SAMM50: variants seen among roughly 807,000 people sequenced by gnomAD.
SAMM50 encodes SAMM50 sorting and assembly machinery component.
SAMM50 carries 47 observed loss-of-function variants against 66.9 expected under a neutral mutation model. That is an observed-to-expected ratio of 0.70 (90% confidence interval 0.56 to 0.90). The LOEUF is 0.90. Ranked by LOEUF, SAMM50 falls within the 40% of genes least tolerant of loss-of-function variation. The pLI, the probability that SAMM50 is intolerant of heterozygous loss-of-function variation, is 0.00. For synonymous variants in SAMM50, 191 were observed against 214.1 expected (o/e 0.89, Z 0.94); for missense variants, 535 against 595.3 (o/e 0.90, Z 1.05).
At chr22:43,968,707 T>G (rs1300380635) in intron 3 of SAMM50, 24 bp from the exon 4 acceptor site, 2 of 1,519,578 alleles carry the variant, frequency 1.3e-6, no homozygotes, top group South Asian at 1.1e-5. Flanking sequence ...ATATATTCCT[T>G]GTTTTTCTTC....
At chr22:43,992,561 C>T (rs2050330867) in intron 14 of SAMM50, among the ~76,000 whole-genome samples, 1 of 152,242 alleles carries the variant, frequency 6.6e-6, no homozygotes, top group South Asian at 2.1e-4. Flanking sequence ...GGGGGCCCAG[C>T]TACCCGGGCT....
chr22:43,990,811 C>T (rs1306601367), intron 14 of SAMM50, among the ~76,000 whole-genome samples: 5 of 152,160 alleles, frequency 3.3e-5, no homozygotes, highest in South Asian at 2.1e-4. Flanking sequence ...ACAGAGGACA[C>T]GATCTTGAGA....
intron 4 of SAMM50, among the ~76,000 whole-genome samples, chr22:43,970,648 G>A (rs971580239): frequency 6.6e-6 from 1 of 152,126 alleles, no homozygotes; most frequent in East Asian, 1.9e-4. Flanking sequence ...CACATGCGAG[G>A]TGTTAGTAAG....
At chr22:43,960,859 G>A (rs1393635761) in intron 1 of SAMM50, among the ~76,000 whole-genome samples, 2 of 152,258 alleles carry the variant, frequency 1.3e-5, no homozygotes, top group Admixed American at 6.5e-5. Flanking sequence ...TGACATTAAG[G>A]TGGATCTTGA....
intron 3 of SAMM50, among the ~76,000 whole-genome samples, chr22:43,965,910 C>T (rs1281011537): frequency 6.6e-6 from 1 of 152,174 alleles, no homozygotes; most frequent in Non-Finnish European, 1.5e-5. Context: ...GTGAACACAG[C>T]TCACTGCAGC....
At chr22:43,967,364 C>T (rs1208994044) in intron 3 of SAMM50, among the ~76,000 whole-genome samples, 1 of 152,242 alleles carries the variant, frequency 6.6e-6, no homozygotes, top group East Asian at 1.9e-4. Flanking sequence ...CTCTGCCTGT[C>T]TTCCCATCTC....
At chr22:43,976,211 T>C in intron 8 of SAMM50, 28 bp downstream of exon 8, 1 of 1,589,958 alleles carries the variant, frequency 6.3e-7, no homozygotes, top group Non-Finnish European at 8.6e-7. Context: ...TTGGAGTAAA[T>C]AATTTTGTTG....
At chr22:43,959,676 A>G (rs1012257823) in intron 1 of SAMM50, among the ~76,000 whole-genome samples, 18 of 152,100 alleles carry the variant, frequency 1.2e-4, no homozygotes, top group African/African-American at 4.3e-4. Context: ...CCTAGCCCAA[A>G]TATATATTTT....
intron 5 of SAMM50, 140 bp from the exon 6 acceptor site, chr22:43,972,731 A>G: frequency 1.2e-6 from 1 of 816,740 alleles, no homozygotes; most frequent in Non-Finnish European, 2.0e-6. Flanking sequence ...GAAAGTGATT[A>G]CAAATGAAAG....
At chr22:43,956,522 G>T (rs944125499) in intron 1 of SAMM50, among the ~76,000 whole-genome samples, 2 of 152,188 alleles carry the variant, frequency 1.3e-5, no homozygotes, top group Non-Finnish European at 2.9e-5. Context: ...ACTGTAATAG[G>T]TCTGTTGCTC....
chr22:43,970,494 C>G (rs1406912927), intron 4 of SAMM50, among the ~76,000 whole-genome samples: 1 of 152,184 alleles, frequency 6.6e-6, no homozygotes, highest in Non-Finnish European at 1.5e-5. Context: ...AGCACCTGTC[C>G]TAGGTGTTGT....
Position 43,989,251 on chromosome 22 carries a change from A to G in SAMM50, c.1216A>G (p.Asn406Asp), listed in dbSNP as rs749603545. ...CAACGCAGGAAACCTCTGCAACCTC[A>G]ACTATGGTAAAACTTGCGCTATTCA... ...FLNAGNLCNL[N>D]YGEGPKAHIR... Residue 406 changes from asparagine to aspartate, a missense_variant, in exon 13 of 15, where the codon AAC (asparagine) becomes GAC (aspartate). Physicochemically the swap from Asn to Asp is conservative, Grantham distance 23. Coordinates refer to ENST00000350028, the MANE Select transcript of SAMM50 (RefSeq NM_015380.5). 3.1e-6 allele frequency: 5 copies of G among 1,613,906 alleles called. No homozygotes were observed. The highest frequency in any genetic ancestry group is 4.2e-6 in the Non-Finnish European group (5 of 1,179,966).
intron 1 of SAMM50, among the ~76,000 whole-genome samples, chr22:43,956,543 A>G (rs921399805): frequency 2.6e-5 from 4 of 152,330 alleles, no homozygotes; most frequent in African/African-American, 4.8e-5. Flanking sequence ...AGTGTGCTCG[A>G]TAAGTCAATA....
At chr22:43,957,109 T>G in intron 1 of SAMM50, 1 of 924,120 alleles carries the variant, frequency 1.1e-6, no homozygotes, top group Non-Finnish European at 1.8e-6. Flanking sequence ...ACAGCTCTTC[T>G]TAAAATTGAA....
In SAMM50 at chr22:43,983,044, A is replaced by G. The variant is rs2050272963; in HGVS notation, c.1008-889A>G. 6.6e-6 allele frequency among the ~76,000 whole-genome samples: 1 copy of G among 152,250 alleles called. No homozygotes were observed. The highest frequency in any genetic ancestry group is 2.4e-5 in the African/African-American group (1 of 41,466). On this transcript the variant is annotated intron_variant, in intron 11 of 14. Transcript: ENST00000350028. This position sits in a 1 kb window ranked among gnomAD's most constrained non-coding sequence, Gnocchi z 4.2. The stretch of plus-strand genomic sequence containing the variant: ...TCCCAAGTAGTAAAAACATATTTAT[A>G]GGTTTTAAAACTCAAATTAAAATGA...
At chr22:43,978,544 C>T (rs970777018) in intron 10 of SAMM50, among the ~76,000 whole-genome samples, 4 of 151,362 alleles carry the variant, frequency 2.6e-5, no homozygotes, top group Non-Finnish European at 5.9e-5. Context: ...GGCTGGAGGA[C>T]AGAGGGGTGT....
chr22:43,983,783 T>G lies in SAMM50; in HGVS notation c.1008-150T>G, dbSNP rs2050276460. The G allele has an allele frequency of 8.5e-6, 5 of 587,974 alleles. No individual in the cohort carries two copies. The highest frequency in any genetic ancestry group is 1.5e-5 in the Non-Finnish European group (5 of 326,598). 36.4% of individuals were successfully genotyped at this position (587,974 alleles called of 1,614,324 possible). A position where few individuals can be genotyped will look rare whatever the true frequency, so the allele number is the denominator to read the frequency against. On this transcript the variant is annotated intron_variant, in intron 11 of 14. Transcript: ENST00000350028. The surrounding 1 kb of genome is among the most constrained non-coding windows in gnomAD (Gnocchi z 4.2). The stretch of plus-strand genomic sequence containing the variant: ...AAATTCCCCTGTAGTGTGCACCCTC[T>G]TGGTCTTTCTCAAAGGTTTTGCCTT...
intron 1 of SAMM50, among the ~76,000 whole-genome samples, chr22:43,961,070 G>C (rs2050145010): frequency 6.6e-6 from 1 of 152,186 alleles, no homozygotes; most frequent in African/African-American, 2.4e-5. Context: ...TTTTAGGGAA[G>C]GGCCTGGAAA....
rs201626778 is a variant in SAMM50 at position 43,973,022 on chromosome 22, T to C, written c.560+21T>C. ...AGAAAGTAGGAAGCCCAACAGATCATTGAGTACACTGGCCTGATAGAAAAG... is the reference window on the plus strand; with the variant it reads ...AGAAAGTAGGAAGCCCAACAGATCACTGAGTACACTGGCCTGATAGAAAAG... On this transcript the variant is annotated intron_variant, in intron 6 of 14. Transcript: ENST00000350028. 2.5e-4 allele frequency: 400 copies of C among 1,585,160 alleles called. 3 individuals carry two copies. The highest frequency in any genetic ancestry group is 2.0e-3 in the South Asian group (167 of 85,230).
Sources: allele counts gnomAD v4.1 joint callset (sites outside exome capture counted in the v4.1 genomes callset), GRCh38; gene constraint gnomAD v4.1.1; non-coding constraint Gnocchi (gnomAD v3.1); transcripts MANE v1.5; gene names NCBI Gene and HGNC (gene_info 2026-07-23, HGNC 2026-07-21).